The following DCAF6 variants were observed in gnomAD, a reference collection of about 807,000 sequenced individuals.
The protein encoded by DCAF6 is DDB1 and CUL4 associated factor 6.
DCAF6 carries 54 observed loss-of-function variants against 125.1 expected under a neutral mutation model. The ratio of observed to expected loss-of-function variants is 0.43; its 90% CI spans 0.35 to 0.54. The LOEUF (loss-of-function observed/expected upper bound fraction) is 0.54. DCAF6 is among the 20% of genes least tolerant of loss of function. DCAF6 has a pLI of 0.01. For missense variants in DCAF6, 934 were observed against 1,161.7 expected, an observed-to-expected ratio of 0.80 and a Z score of 2.85; for synonymous variants, 371 against 390.4, an observed-to-expected ratio of 0.95 and a Z score of 0.58.
intron 17 of DCAF6, among the ~76,000 whole-genome samples, chr1:168,058,116 T>C (rs1691124538): frequency 6.6e-6 from 1 of 152,200 alleles, no homozygotes; most frequent in Non-Finnish European, 1.5e-5. Context: ...TCCTCAGATA[T>C]TATCTTACTG....
chr1:167,933,533 A>G (rs1047996152), upstream of DCAF6, among the ~76,000 whole-genome samples: 6 of 152,358 alleles, frequency 3.9e-5, no homozygotes, highest in African/African-American at 1.4e-4. Context: ...TCAAAAATCT[A>G]GAATCAGCAA....
At chr1:168,053,154 T>C (rs1690168438) in intron 17 of DCAF6, among the ~76,000 whole-genome samples, 1 of 152,166 alleles carries the variant, frequency 6.6e-6, no homozygotes, top group South Asian at 2.1e-4. Context: ...TTAAGCTACA[T>C]TTCCTGGCCC....
the DCAF6 span, among the ~76,000 whole-genome samples, chr1:167,922,693 CAA>C: frequency 1.3e-4 from 19 of 151,946 alleles, no homozygotes; most frequent in Admixed American, 7.9e-4. Flanking sequence ...GACAAAATGA[CAA>C]AGAGACTAAA....
the DCAF6 span, among the ~76,000 whole-genome samples, chr1:167,910,853 A>C: frequency 1.3e-5 from 2 of 152,178 alleles, no homozygotes; most frequent in South Asian, 4.1e-4. Context: ...CCAAGCTTGT[A>C]AGATTGAAAG....
At chr1:167,945,664 G>T (rs969731564) in intron 1 of DCAF6, among the ~76,000 whole-genome samples, 18 of 151,710 alleles carry the variant, frequency 1.2e-4, no homozygotes, top group Non-Finnish European at 1.8e-4. Context: ...GCTAATTTTT[G>T]TGTGTGTGTG....
At chr1:167,978,484 G>A (rs1451307197) in intron 4 of DCAF6, among the ~76,000 whole-genome samples, 1 of 152,094 alleles carries the variant, frequency 6.6e-6, no homozygotes, top group East Asian at 1.9e-4. Flanking sequence ...TCAAATGTTT[G>A]TTGGTTATTT....
chr1:167,964,862 A>C lies in DCAF6; in HGVS notation c.160-1767A>C, dbSNP rs528488869. Reference sequence around the variant, plus strand: ...ATCAGAGGCATTGTTCCTTTCTGTTACATTGTTTTTGATTGCTACCATTTC... The same window carrying C: ...ATCAGAGGCATTGTTCCTTTCTGTTCCATTGTTTTTGATTGCTACCATTTC... On this transcript the variant is annotated intron_variant, in intron 2 of 21. Coordinates refer to ENST00000367840, the MANE Select transcript of DCAF6 (RefSeq NM_001198956.2). Among the ~76,000 whole-genome samples, 58 of 152,216 alleles carry C rather than the reference A, an allele frequency of 3.8e-4. No homozygotes were observed. The East Asian group carries it at 7.3e-3, about 19-fold the overall frequency.
the DCAF6 span, among the ~76,000 whole-genome samples, chr1:167,911,740 G>C: frequency 6.6e-6 from 1 of 152,168 alleles, no homozygotes; most frequent in East Asian, 1.9e-4. Context: ...ATGTTCAAGT[G>C]CTATTTCTTT....
chr1:167,919,883 G>A, the DCAF6 span: 4 of 711,490 alleles, frequency 5.6e-6, no homozygotes, highest in Non-Finnish European at 9.5e-6. Context: ...TCTCCAGCCT[G>A]GGCAACAGAG....
intron 2 of DCAF6, among the ~76,000 whole-genome samples, chr1:167,959,010 C>G (rs1675188145): frequency 6.6e-6 from 1 of 152,166 alleles, no homozygotes; most frequent in African/African-American, 2.4e-5. Context: ...GTTTCACTGC[C>G]TTAAAAATCT....
the DCAF6 span, chr1:167,880,628 G>T: frequency 1.3e-6 from 2 of 1,549,642 alleles, no homozygotes; most frequent in Non-Finnish European, 1.8e-6. Flanking sequence ...GAGAGAGACA[G>T]CAACCACAGC....
chr1:168,024,285 TC>T (rs1329425554), intron 12 of DCAF6, among the ~76,000 whole-genome samples: 2 of 151,802 alleles, frequency 1.3e-5, no homozygotes, highest in African/African-American at 4.8e-5. Flanking sequence ...TTACAAATGT[TC>T]CTTTCAAAAA....
chr1:167,890,883 T>A, the DCAF6 span, among the ~76,000 whole-genome samples: 2 of 152,314 alleles, frequency 1.3e-5, no homozygotes, highest in East Asian at 3.9e-4. Context: ...TAACACAGCT[T>A]TCCCAAGGTC....
chr1:167,921,362 C>T, the DCAF6 span, among the ~76,000 whole-genome samples: 1 of 152,012 alleles, frequency 6.6e-6, no homozygotes, highest in Non-Finnish European at 1.5e-5. Context: ...GCTGGAATTA[C>T]AGGCGTGTGC....
the DCAF6 span, chr1:167,896,542 A>C: frequency 7.2e-7 from 1 of 1,382,188 alleles, no homozygotes; most frequent in Admixed American, 1.7e-5. Flanking sequence ...TTGATATAAG[A>C]CCCTACTGAC....
chr1:167,884,037 G>A, the DCAF6 span, among the ~76,000 whole-genome samples: 2 of 152,190 alleles, frequency 1.3e-5, no homozygotes, highest in South Asian at 2.1e-4. Flanking sequence ...GGCATGCAAT[G>A]CGTAATAATC....
At position 167,937,019 on chromosome 1, in the gene DCAF6, G is replaced by GC. The variant is rs1348533034; in HGVS notation, c.97+15dup. 3 of 1,602,286 alleles carry GC rather than the reference G, an allele frequency of 1.9e-6. No homozygotes were observed. Among genetic ancestry groups the GC allele is most frequent in the Non-Finnish European group, 2.6e-6 (3 of 1,174,958 alleles). On this transcript the variant is annotated intron_variant, in intron 1 of 21. Transcript: ENST00000367840. The stretch of plus-strand genomic sequence containing the variant: ...GGAGTCGCTACCTGGGTGAGCGGGG[G>GC]CCCCGGGGCGGAGGCGCTGAGGTCG...
At chr1:167,884,502 C>G in the DCAF6 span, among the ~76,000 whole-genome samples, 6 of 152,030 alleles carry the variant, frequency 3.9e-5, no homozygotes, top group Admixed American at 3.9e-4. Flanking sequence ...GATACAAATC[C>G]AAACCATATC....
At position 168,065,617 on chromosome 1, in the gene DCAF6, A is replaced by G; in HGVS notation, c.2467A>G (p.Asn823Asp). 2 of 1,609,022 alleles carry G rather than the reference A, an allele frequency of 1.2e-6. No homozygotes were observed. The highest frequency in any genetic ancestry group is 1.7e-6 in the Non-Finnish European group (2 of 1,177,056). The change falls in exon 19 of 22, where the codon AAC (asparagine) becomes GAC (aspartate). Residue 823 changes from asparagine to aspartate, a missense_variant. Coordinates refer to ENST00000367840, the MANE Select transcript of DCAF6 (RefSeq NM_001198956.2). ...MIKEANFWGA[N>D]FVMSGSDCGH... ...AAAAGAAGCCAATTTCTGGGGTGCT[A>G]ACTTTGTAATGAGTGGTTCTGACTG...
Sources: gnomAD v4.1 joint callset for allele counts (sites outside exome capture counted in the v4.1 genomes callset) on GRCh38, gnomAD v4.1.1 for gene constraint, MANE v1.5 for transcripts, NCBI Gene and HGNC (gene_info 2026-07-23, HGNC 2026-07-21) for gene names.